MLXIP: variants seen among roughly 807,000 people sequenced by gnomAD.
MLXIP encodes MLX-interacting protein.
A neutral mutation model predicts 87.2 loss-of-function variants in MLXIP; 30 were observed. The ratio of observed to expected loss-of-function variants is 0.34; its 90% CI spans 0.26 to 0.47. MLXIP has a LOEUF of 0.47. Ranked by LOEUF, MLXIP falls within the 20% of genes least tolerant of loss-of-function variation. MLXIP has a pLI of 1.00. For synonymous variants in MLXIP, 530 were observed against 514.0 expected, an observed-to-expected ratio of 1.03 and a Z score of -0.42; for missense variants, 1,002 against 1,240.1, an observed-to-expected ratio of 0.81 and a Z score of 2.88.
In MLXIP at chr12:122,142,285, G is replaced by T. The variant is rs978792624; in HGVS notation, c.*473G>T. The T allele has an allele frequency of 1.5e-6, 1 of 689,346 alleles. No homozygotes were observed. The highest frequency in any genetic ancestry group is 2.7e-6 in the Non-Finnish European group (1 of 376,798). 42.7% of individuals were successfully genotyped at this position (689,346 alleles called of 1,614,324 possible). A position where few individuals can be genotyped will look rare whatever the true frequency, so the allele number is the denominator to read the frequency against. ...CACTCTCTGGTCTGCCCGTGGGGCA[G>T]TTGGAAGGCGTCTTTCTTTCTCCCC... On this transcript the variant is annotated 3_prime_UTR_variant, in exon 17 of 17. Transcript: ENST00000319080.
At chr12:122,112,335 A>T (rs1952616686) in intron 1 of MLXIP, among the ~76,000 whole-genome samples, 1 of 152,146 alleles carries the variant, frequency 6.6e-6, no homozygotes, top group South Asian at 2.1e-4. Flanking sequence ...TAAAAAGTGA[A>T]ATCATTAAAA....
At chr12:122,140,845 C>A in intron 15 of MLXIP, 109 bp from the exon 16 acceptor site, 1 of 1,528,592 alleles carries the variant, frequency 6.5e-7, no homozygotes, top group South Asian at 1.1e-5. Context: ...TCTCTGTGGG[C>A]AGATACTTTC....
chr12:122,137,509 A>G lies in MLXIP; in HGVS notation c.2073A>G (p.Ala691=), dbSNP rs762363648. The change falls in exon 12 of 17, where the codon GCA becomes GCG. Residue 691 remains alanine, a synonymous_variant. Transcript: ENST00000319080. This position sits in a 1 kb window ranked among gnomAD's most constrained non-coding sequence, Gnocchi z 4.1. The part of the protein sequence containing the change: ...CPNSGQASPC[A]SEQSPSPQSP... ...ACTCAGGGCAGGCCTCTCCGTGTGC[A>G]TCGGAGCAGAGCCCCAGTCCTCAAT... is the stretch of plus-strand genomic sequence containing the variant. 8 of 1,614,040 alleles carry G rather than the reference A, an allele frequency of 5.0e-6. No homozygotes were observed. The highest frequency in any genetic ancestry group is 1.7e-5 in the Admixed American group (1 of 60,022).
intron 1 of MLXIP, among the ~76,000 whole-genome samples, chr12:122,120,982 G>A (rs921193499): frequency 6.5e-5 from 9 of 139,354 alleles, no homozygotes; most frequent in Non-Finnish European, 1.2e-4. Flanking sequence ...GACCTATAAC[G>A]ATAGCCCCAG....
At position 122,127,305 on chromosome 12, in the gene MLXIP, C is replaced by T. The variant is rs1952896381; in HGVS notation, c.463C>T (p.Gln155Ter). The change falls in exon 2 of 17, where the codon CAG becomes TAG. Residue 155 changes from glutamine to a stop codon, truncating the protein, a stop_gained. Coordinates refer to ENST00000319080, the MANE Select transcript of MLXIP (RefSeq NM_014938.6). LOFTEE classifies it high-confidence loss of function. ...KWKNFKGLKL[Q>*]WRDKIRLNNA... The stretch of plus-strand genomic sequence containing the variant: ...GAAGAATTTCAAGGGCCTGAAGCTA[C>T]AGTGGAGAGACAAGATCCGGCTCAA... 1 of 1,613,776 alleles carries T rather than the reference C, an allele frequency of 6.2e-7. No homozygotes were observed. The highest frequency in any genetic ancestry group is 1.1e-5 in the South Asian group (1 of 91,020).
rs374707326 is a variant in MLXIP, at chr12:122,130,181, C to T, written c.910+69C>T. ...CCTTCTCTGCCAGGCCCCCTCTGGGCCAGGGTTCCTTCAGGGCCATCTCTG... is the reference window on the plus strand; with the variant it reads ...CCTTCTCTGCCAGGCCCCCTCTGGGTCAGGGTTCCTTCAGGGCCATCTCTG... On this transcript the variant is annotated intron_variant, in intron 6 of 16. Transcript: ENST00000319080. 5.0e-5 allele frequency: 74 copies of T among 1,494,082 alleles called. 1 individual carries two copies. In the South Asian group the frequency reaches 8.8e-4, roughly 18 times the overall value. 92.6% of individuals were successfully genotyped at this position (1,494,082 alleles called of 1,614,324 possible).
At chr12:122,130,390 A>G (rs984622364) in intron 6 of MLXIP, among the ~76,000 whole-genome samples, 2 of 151,868 alleles carry the variant, frequency 1.3e-5, no homozygotes, top group African/African-American at 4.8e-5. Context: ...TCATTGGCAC[A>G]TTTCAGATAC....
intron 1 of MLXIP, among the ~76,000 whole-genome samples, chr12:122,098,949 G>A (rs914163393): frequency 6.6e-6 from 1 of 152,214 alleles, no homozygotes; most frequent in African/African-American, 2.4e-5. Flanking sequence ...GTTAACTACT[G>A]CAGAGCAGCT....
At position 122,137,725 on chromosome 12, in the gene MLXIP, C is replaced by CAAGGAGAAGCCCA; in HGVS notation, c.2154+135_2154+136insAAGGAGAAGCCCA. 1 of 1,396,382 alleles carries CAAGGAGAAGCCCA rather than the reference C, an allele frequency of 7.2e-7. No homozygotes were observed. Among genetic ancestry groups the CAAGGAGAAGCCCA allele is most frequent in the Non-Finnish European group, 9.8e-7 (1 of 1,021,980 alleles). The allele number at this position is 1,396,382 out of a possible 1,614,324, so 86.5% of individuals were successfully genotyped here. On this transcript the variant is annotated intron_variant, in intron 12 of 16. Transcript: ENST00000319080. The surrounding 1 kb of genome is among the most constrained non-coding windows in gnomAD (Gnocchi z 4.1). ...CAGGCAGGGGTGGATCAGAAATGGG[C>CAAGGAGAAGCCCA]TTCTCCTTGCCCCATGCCACGAACC...
Position 122,141,766 on chromosome 12 carries a change from C to G in MLXIP, c.2714C>G (p.Ala905Gly). 1 of 1,613,770 alleles carries G rather than the reference C, an allele frequency of 6.2e-7. No individual in the cohort carries two copies. The highest frequency in any genetic ancestry group is 8.5e-7 in the Non-Finnish European group (1 of 1,179,886). Residue 905 changes from alanine (A) to glycine (G), a missense_variant, in exon 17 of 17, where the codon GCG becomes GGG. Transcript: ENST00000319080. ...GACCCGGCACAGCTGCCAGAGCAGG[C>G]GTCCAAGGCTGTCACCAGGATTGGC... ...LTDPAQLPEQASKAVTRIGKR... is the reference protein window; with the variant it reads ...LTDPAQLPEQGSKAVTRIGKR...
chr12:122,133,341 T>C lies in MLXIP; in HGVS notation c.1093-7T>C. ...ATTGCTTCCTGGCTCCTTTCTTCCT[T>C]TTTCAGGAGAGCATCCTGCCGACCA... On this transcript the variant is annotated splice_region_variant and splice_polypyrimidine_tract_variant and intron_variant, in intron 8 of 16. Transcript: ENST00000319080. The surrounding 1 kb of genome is among the most constrained non-coding windows in gnomAD (Gnocchi z 4.9). 2.6e-6 allele frequency: 4 copies of C among 1,545,316 alleles called. No individual in the cohort carries two copies. The highest frequency in any genetic ancestry group is 3.5e-6 in the Non-Finnish European group (4 of 1,144,384).
At chr12:122,090,970 G>T (rs1387430684) in intron 1 of MLXIP, among the ~76,000 whole-genome samples, 2 of 152,044 alleles carry the variant, frequency 1.3e-5, no homozygotes, top group Non-Finnish European at 2.9e-5. Flanking sequence ...AGGGAAAATG[G>T]ATAGTCACTG....
rs753661510 is a variant in MLXIP, at chr12:122,130,854, A to T, written c.921A>T (p.Gly307=). Residue 307 remains glycine (G), a synonymous_variant, in exon 7 of 17, where the codon GGA becomes GGT. Transcript: ENST00000319080. ...WPNPREIAHL[G]NADMIQPGLI... is the part of the protein sequence containing the mutation. ...CTGTGATTCTTGCAGCACATCTGGGAAATGCAGACATGATCCAGCCGGGAC... is the reference window on the plus strand; with the variant it reads ...CTGTGATTCTTGCAGCACATCTGGGTAATGCAGACATGATCCAGCCGGGAC... 3 of 1,612,708 alleles carry T rather than the reference A, an allele frequency of 1.9e-6. No individual in the cohort carries two copies. The South Asian group carries it at 3.3e-5, about 18-fold the overall frequency.
chr12:122,120,990 C>A (rs1952769974), intron 1 of MLXIP, among the ~76,000 whole-genome samples: 1 of 138,412 alleles, frequency 7.2e-6, no homozygotes, highest in South Asian at 2.3e-4. Context: ...ACGATAGCCC[C>A]AGAGCCCTCT....
At chr12:122,085,194 T>G (rs1952148531) in intron 1 of MLXIP, among the ~76,000 whole-genome samples, 1 of 152,054 alleles carries the variant, frequency 6.6e-6, no homozygotes, top group Non-Finnish European at 1.5e-5. Context: ...CTTCCCAGAG[T>G]GCATGAACAT....
At chr12:122,122,523 C>A (rs1952799335) in intron 1 of MLXIP, among the ~76,000 whole-genome samples, 2 of 151,884 alleles carry the variant, frequency 1.3e-5, no homozygotes, top group Non-Finnish European at 2.9e-5. Context: ...GCTACCACTC[C>A]CTGCTACTTT....
At chr12:122,084,461 A>G (rs1196728846) in intron 1 of MLXIP, among the ~76,000 whole-genome samples, 1 of 152,092 alleles carries the variant, frequency 6.6e-6, no homozygotes, top group Non-Finnish European at 1.5e-5. Context: ...GAGAGGATGG[A>G]GGGAGGTTAT....
At chr12:122,113,843 C>G (rs1414896185) in intron 1 of MLXIP, among the ~76,000 whole-genome samples, 1 of 151,886 alleles carries the variant, frequency 6.6e-6, no homozygotes, top group East Asian at 1.9e-4. Flanking sequence ...CGCCAGCATG[C>G]CTGGCTAACT....
At chr12:122,103,089 G>A (rs1952460288) in intron 1 of MLXIP, among the ~76,000 whole-genome samples, 3 of 151,690 alleles carry the variant, frequency 2.0e-5, no homozygotes, top group Admixed American at 2.0e-4. Context: ...CTGCAGCCTC[G>A]ACCTCCCAGG....
Sources: gnomAD v4.1 joint callset for allele counts (sites outside exome capture counted in the v4.1 genomes callset) on GRCh38, gnomAD v4.1.1 for gene constraint, Gnocchi (gnomAD v3.1) non-coding constraint, MANE v1.5 for transcripts, NCBI Gene and HGNC (gene_info 2026-07-23, HGNC 2026-07-21) for gene names.